Variants in BCL2L13 observed in about 807,000 individuals in gnomAD.
The protein encoded by BCL2L13 is bcl-2-like protein 13.
Under a neutral mutation model 25.8 loss-of-function variants are expected in BCL2L13, and 13 were observed. The ratio of observed to expected loss-of-function variants is 0.50; its 90% CI spans 0.33 to 0.80. BCL2L13 has a LOEUF of 0.80. Among genes scored for constraint, BCL2L13 ranks in the 30% least tolerant of loss-of-function variants. The probability of loss-of-function intolerance (pLI) is 0.02; values close to 1 mark genes in which losing one functional copy is unlikely to be tolerated. For missense variants in BCL2L13, 504 were observed against 574.9 expected (o/e 0.88, Z 1.26); for synonymous variants, 244 against 230.3 (o/e 1.06, Z -0.54).
intron 6 of BCL2L13, among the ~76,000 whole-genome samples, chr22:17,706,295 C>T (rs567751690): frequency 1.3e-5 from 2 of 152,222 alleles, no homozygotes; most frequent in Admixed American, 1.3e-4. Flanking sequence ...CAGGCATGCG[C>T]CACCTTGCCC....
At chr22:17,673,465 T>G (rs1258612570) in intron 2 of BCL2L13, among the ~76,000 whole-genome samples, 1 of 151,322 alleles carries the variant, frequency 6.6e-6, no homozygotes, top group Non-Finnish European at 1.5e-5. Context: ...CCTCCCAGAT[T>G]CATGCCATTC....
chr22:17,648,901 CAA>C (rs2058583426), intron 1 of BCL2L13, among the ~76,000 whole-genome samples: 1 of 152,114 alleles, frequency 6.6e-6, no homozygotes, highest in African/African-American at 2.4e-5. Context: ...ATAAATACAA[CAA>C]ATTTGAATAC....
At chr22:17,646,437 C>T (rs1374090936) in intron 1 of BCL2L13, among the ~76,000 whole-genome samples, 4 of 150,518 alleles carry the variant, frequency 2.7e-5, no homozygotes, top group South Asian at 4.2e-4. Context: ...TTAGTAGTGA[C>T]GGTGTTTCAT....
chr22:17,644,817 T>C (rs2058416997), intron 1 of BCL2L13, among the ~76,000 whole-genome samples: 1 of 150,302 alleles, frequency 6.7e-6, no homozygotes, highest in Non-Finnish European at 1.5e-5. Context: ...TTTTTTTTTT[T>C]TTTTTCTTTT....
intron 1 of BCL2L13, among the ~76,000 whole-genome samples, chr22:17,648,407 A>G (rs2058567384): frequency 6.6e-6 from 1 of 152,112 alleles, no homozygotes; most frequent in South Asian, 2.1e-4. Flanking sequence ...AAGCTAAATT[A>G]GAAGTTGGGG....
At chr22:17,690,340 T>A (rs1461785225) in intron 4 of BCL2L13, among the ~76,000 whole-genome samples, 1 of 152,112 alleles carries the variant, frequency 6.6e-6, no homozygotes, top group Non-Finnish European at 1.5e-5. Context: ...AAAAAAATTT[T>A]TTTTTTATTT....
At chr22:17,697,043 G>A (rs2060285299) in intron 5 of BCL2L13, among the ~76,000 whole-genome samples, 1 of 151,712 alleles carries the variant, frequency 6.6e-6, no homozygotes, top group South Asian at 2.1e-4. Flanking sequence ...GTGACCTTAT[G>A]TACCTAATTG....
At chr22:17,671,933 C>CA (rs1275841851) in intron 2 of BCL2L13, among the ~76,000 whole-genome samples, 4 of 152,236 alleles carry the variant, frequency 2.6e-5, no homozygotes, top group African/African-American at 9.6e-5. Flanking sequence ...AGGCTGGTGT[C>CA]AAACTCCTGA....
At position 17,727,300 on chromosome 22, in the gene BCL2L13, G is replaced by C; in HGVS notation, c.1224G>C (p.Leu408=). ...VVPALEPTET[L]LSEKEINARE... ...CCGCACTGGAACCCACAGAAACGCT[G>C]CTGAGTGAGAAGGAGATAAACGCAA... The change falls in exon 7 of 7, where the codon CTG becomes CTC. Residue 408 remains leucine, a synonymous_variant. Transcript: ENST00000317582. 1 of 1,614,258 alleles carries C rather than the reference G, an allele frequency of 6.2e-7. No individual in the cohort carries two copies. The highest frequency in any genetic ancestry group is 8.5e-7 in the Non-Finnish European group (1 of 1,180,040).
At chr22:17,640,094 T>TC (rs1208352962) in intron 1 of BCL2L13, among the ~76,000 whole-genome samples, 2 of 152,060 alleles carry the variant, frequency 1.3e-5, no homozygotes, top group Non-Finnish European at 1.5e-5. Flanking sequence ...TCTCTGGTCA[T>TC]CCCCCCGCCT....
At chr22:17,663,440 G>T (rs2587099) in intron 2 of BCL2L13, among the ~76,000 whole-genome samples, 21,230 of 152,062 alleles carry the variant, frequency 0.14, 2,037 homozygotes, top group Non-Finnish European at 0.21. Context: ...TGACTAAAAG[G>T]TCATAAAACA....
chr22:17,699,515 G>T (rs938185348), intron 5 of BCL2L13, among the ~76,000 whole-genome samples: 4 of 152,124 alleles, frequency 2.6e-5, no homozygotes, highest in Non-Finnish European at 5.9e-5. Flanking sequence ...GTAAGCCAGT[G>T]GAGGTAATCT....
Position 17,702,225 on chromosome 22 carries a change from CTCA to C in BCL2L13, c.457-15_457-13del, listed in dbSNP as rs1299812367. 4 of 1,576,486 alleles carry C rather than the reference CTCA, an allele frequency of 2.5e-6. No homozygotes were observed. The Admixed American group carries it at 7.7e-5, about 30-fold the overall frequency. ...GAATTTCAGTGTGGTTTTTTATTCT[CTCA>C]TCTTTGCATTGAAGATTTTGGTGCC... On this transcript the variant is annotated splice_polypyrimidine_tract_variant and intron_variant, in intron 5 of 6. Coordinates refer to ENST00000317582, the MANE Select transcript of BCL2L13 (RefSeq NM_015367.4).
chr22:17,671,436 G>A lies in BCL2L13; in HGVS notation c.122-11778G>A, dbSNP rs566354176. ...AAAAAAATTAGCCAGGAGTTGTGGC[G>A]GGCGCCTGTAGTCCCAGCTACTCAG... On this transcript the variant is annotated intron_variant, in intron 2 of 6. Transcript: ENST00000317582. Among the ~76,000 whole-genome samples the A allele has an allele frequency of 5.0e-4, 75 of 150,640 alleles. No individual in the cohort carries two copies. The East Asian group carries it at 0.01, about 20-fold the overall frequency.
intron 4 of BCL2L13, among the ~76,000 whole-genome samples, chr22:17,689,729 G>GCCC (rs1352691953): frequency 1.3e-5 from 2 of 151,690 alleles, no homozygotes; most frequent in Non-Finnish European, 2.9e-5. Flanking sequence ...TCTAGTCCCA[G>GCCC]CTACTCGAGA....
rs1271831210 is a variant in BCL2L13 at position 17,729,607 on chromosome 22, G to A, written c.*2073G>A. ...CAATCGAAGCCAGGTTCATCTCTGA[G>A]CTGCTGAAAGGAGGTGTGAGGCTTA... On this transcript the variant is annotated 3_prime_UTR_variant, in exon 7 of 7. Coordinates refer to ENST00000317582, the MANE Select transcript of BCL2L13 (RefSeq NM_015367.4). The A allele has an allele frequency of 6.6e-6, 1 of 152,208 alleles. No homozygotes were observed. Among genetic ancestry groups the A allele is most frequent in the African/African-American group, 2.4e-5 (1 of 41,454 alleles). 9.4% of individuals were successfully genotyped at this position (152,208 alleles called of 1,614,324 possible). A position where few individuals can be genotyped will look rare whatever the true frequency, so the allele number is the denominator to read the frequency against.
chr22:17,680,303 G>T (rs1160581453), intron 2 of BCL2L13, among the ~76,000 whole-genome samples: 10 of 150,258 alleles, frequency 6.7e-5, no homozygotes, highest in South Asian at 6.3e-4. Context: ...GAGGTCAGGA[G>T]ATCAAGACCA....
At chr22:17,708,011 G>A (rs2401168) in intron 6 of BCL2L13, among the ~76,000 whole-genome samples, 14,121 of 152,090 alleles carry the variant, frequency 0.093, 769 homozygotes, top group Non-Finnish European at 0.11. Flanking sequence ...CCAAAGTAAA[G>A]TTATGTTTGT....
upstream of BCL2L13, among the ~76,000 whole-genome samples, chr22:17,633,907 T>C (rs1386160954): frequency 6.6e-6 from 1 of 152,016 alleles, no homozygotes; most frequent in Non-Finnish European, 1.5e-5. Context: ...CTCTAGTAGA[T>C]GAGACCACTG....
Sources: allele counts gnomAD v4.1 joint callset (sites outside exome capture counted in the v4.1 genomes callset), GRCh38; gene constraint gnomAD v4.1.1; transcripts MANE v1.5; gene names NCBI Gene and HGNC (gene_info 2026-07-23, HGNC 2026-07-21).